CAMK1D: variants seen among roughly 807,000 people sequenced by gnomAD.
CAMK1D encodes calcium/calmodulin dependent protein kinase ID.
In CAMK1D, 9 loss-of-function variants were observed where a neutral mutation model predicts 47.7. That is an observed-to-expected ratio of 0.19 (90% CI 0.11 to 0.33). The LOEUF (loss-of-function observed/expected upper bound fraction) is 0.33, where lower values mean the gene tolerates loss of function less well. CAMK1D is among the 10% of genes least tolerant of loss of function. The pLI is 1.00. For synonymous variants in CAMK1D, 184 were observed against 184.9 expected, an observed-to-expected ratio of 0.99 and a Z score of 0.04; for missense variants, 291 against 488.7, an observed-to-expected ratio of 0.60 and a Z score of 3.81.
intron 1 of CAMK1D, among the ~76,000 whole-genome samples, chr10:12,543,503 G>T (rs1484391092): frequency 6.6e-6 from 1 of 152,130 alleles, no homozygotes; most frequent in Non-Finnish European, 1.5e-5. Context: ...CTCTGGGCTT[G>T]GCTTGGCTCT....
intron 2 of CAMK1D, among the ~76,000 whole-genome samples, chr10:12,602,024 G>C (rs10906181): frequency 0.92 from 140,316 of 152,192 alleles, 65,235 homozygotes; most frequent in Non-Finnish European, 0.99. Flanking sequence ...ACTTCAGAAT[G>C]TTCCAGAACA....
chr10:12,569,407 C>G (rs1295918891), intron 2 of CAMK1D, among the ~76,000 whole-genome samples: 1 of 152,076 alleles, frequency 6.6e-6, no homozygotes, highest in Admixed American at 6.6e-5. Context: ...ATCTTTTCTA[C>G]TACTCTTAAA....
chr10:12,488,369 C>A (rs1024854384), intron 1 of CAMK1D, among the ~76,000 whole-genome samples: 2 of 152,014 alleles, frequency 1.3e-5, no homozygotes, highest in African/African-American at 4.8e-5. Flanking sequence ...GGGGTTGATT[C>A]CATGGATCAA....
chr10:12,723,282 CT>C (rs1282926366), intron 3 of CAMK1D, among the ~76,000 whole-genome samples: 1 of 152,118 alleles, frequency 6.6e-6, no homozygotes, highest in Non-Finnish European at 1.5e-5. Context: ...AGAATTTTTG[CT>C]TTAAAAGGAA....
intron 2 of CAMK1D, among the ~76,000 whole-genome samples, chr10:12,602,573 C>T (rs1307948327): frequency 6.6e-6 from 1 of 152,188 alleles, no homozygotes; most frequent in Non-Finnish European, 1.5e-5. Flanking sequence ...AGAGAGTGGG[C>T]AGCTTCACCC....
At chr10:12,530,272 G>T (rs1171812675) in intron 1 of CAMK1D, among the ~76,000 whole-genome samples, 1 of 152,212 alleles carries the variant, frequency 6.6e-6, no homozygotes, top group Non-Finnish European at 1.5e-5. Flanking sequence ...CGAGTGGGGG[G>T]CCCTAGGCAG....
intron 1 of CAMK1D, among the ~76,000 whole-genome samples, chr10:12,435,044 A>ACTGTCCCT (rs1832588059): frequency 6.6e-6 from 1 of 151,780 alleles, no homozygotes; most frequent in Admixed American, 6.6e-5. Flanking sequence ...ATGGTGAAAC[A>ACTGTCCCT]CTGTCCCTAC....
intron 3 of CAMK1D, among the ~76,000 whole-genome samples, chr10:12,689,316 A>G (rs899477049): frequency 4.6e-5 from 7 of 152,192 alleles, no homozygotes; most frequent in Non-Finnish European, 1.0e-4. Context: ...AACTAAACAA[A>G]CTATACTCTT....
chr10:12,665,810 A>C (rs1840410758), intron 2 of CAMK1D, among the ~76,000 whole-genome samples: 1 of 152,222 alleles, frequency 6.6e-6, no homozygotes, highest in Non-Finnish European at 1.5e-5. Flanking sequence ...GGCAGTACCG[A>C]TATCTCCTGG....
intron 2 of CAMK1D, among the ~76,000 whole-genome samples, chr10:12,646,911 G>A (rs1415167861): frequency 6.6e-6 from 1 of 151,530 alleles, no homozygotes; most frequent in Non-Finnish European, 1.5e-5. Context: ...GTGCGATTTC[G>A]GCTCACTGCA....
At chr10:12,663,235 A>G (rs111642237) in intron 2 of CAMK1D, among the ~76,000 whole-genome samples, 9 of 152,012 alleles carry the variant, frequency 5.9e-5, no homozygotes, top group African/African-American at 1.9e-4. Flanking sequence ...TGCTGGGATT[A>G]CAGGCATGAG....
intron 1 of CAMK1D, among the ~76,000 whole-genome samples, chr10:12,549,553 G>A (rs1012231765): frequency 6.6e-6 from 1 of 152,192 alleles, no homozygotes; most frequent in African/African-American, 2.4e-5. Context: ...TCACTTCTGG[G>A]TATAGACCTA....
chr10:12,364,359 G>A (rs369075724), intron 1 of CAMK1D, among the ~76,000 whole-genome samples: 12 of 149,864 alleles, frequency 8.0e-5, no homozygotes, highest in East Asian at 7.9e-4. Flanking sequence ...CTCCTGCCTC[G>A]GCGCCCCTAG....
intron 3 of CAMK1D, among the ~76,000 whole-genome samples, chr10:12,737,044 G>A (rs113588083): frequency 2.6e-5 from 4 of 152,292 alleles, no homozygotes; most frequent in African/African-American, 9.6e-5. Context: ...GCATGCAGCT[G>A]CAGGGGAGGG....
rs1428716127 is a variant in CAMK1D, at chr10:12,672,901, T to TTTTTTTTTG, written c.299+6099_299+6100insGTTTTTTTT. Among the ~76,000 whole-genome samples the TTTTTTTTTG allele has an allele frequency of 1.8e-3, 270 of 147,136 alleles. 6 individuals carry two copies. In the South Asian group the frequency reaches 0.033, roughly 18 times the overall value. On this transcript the variant is annotated intron_variant, in intron 3 of 10. Coordinates refer to ENST00000619168, the MANE Select transcript of CAMK1D (RefSeq NM_153498.4). Reference sequence around the variant, plus strand: ...AAGTTTTAGAATAGGCTTGCCTTTTTTTTTTTTTTTTTTTAGTCAGAGTTT... The same window carrying TTTTTTTTTG: ...AAGTTTTAGAATAGGCTTGCCTTTTTTTTTTTTTGTTTTTTTTTTTTTTAGTCAGAGTTT...
chr10:12,690,129 A>C (rs1832820070), intron 3 of CAMK1D, among the ~76,000 whole-genome samples: 1 of 152,062 alleles, frequency 6.6e-6, no homozygotes, highest in African/African-American at 2.4e-5. Context: ...TGATAGCTTC[A>C]CTCAGGCCTT....
chr10:12,764,398 A>AAAAAAAAAAAAAAAC (rs1554822757), intron 4 of CAMK1D, among the ~76,000 whole-genome samples: 1 of 151,188 alleles, frequency 6.6e-6, no homozygotes, highest in African/African-American at 2.4e-5. Flanking sequence ...AAAAAAAAAA[A>AAAAAAAAAAAAAAAC]CATTGATCTA....
chr10:12,493,796 C>T (rs1834459257), intron 1 of CAMK1D, among the ~76,000 whole-genome samples: 1 of 152,120 alleles, frequency 6.6e-6, no homozygotes, highest in African/African-American at 2.4e-5. Flanking sequence ...GCCCTGCCTG[C>T]ATATCTGTTT....
chr10:12,784,742 A>G (rs1837648997), intron 5 of CAMK1D, among the ~76,000 whole-genome samples: 1 of 151,978 alleles, frequency 6.6e-6, no homozygotes, highest in East Asian at 1.9e-4. Context: ...TCTTGTACCT[A>G]CTCACCAAAA....
Sources: allele counts gnomAD v4.1 joint callset (sites outside exome capture counted in the v4.1 genomes callset), GRCh38; gene constraint gnomAD v4.1.1; transcripts MANE v1.5; gene names NCBI Gene and HGNC (gene_info 2026-07-23, HGNC 2026-07-21).